The following PRELID2 variants were observed in gnomAD, a reference collection of about 807,000 sequenced individuals.
PRELID2 encodes the protein PRELI domain containing 2, also known as PRELI domain-containing protein 2.
A neutral mutation model predicts 28.4 loss-of-function variants in PRELID2; 25 were observed. That is an observed-to-expected ratio of 0.88 (90% confidence interval 0.64 to 1.23). The LOEUF (loss-of-function observed/expected upper bound fraction) is 1.23. Among genes scored for constraint, PRELID2 ranks in the 50% most tolerant of loss-of-function variants. The pLI, the probability that PRELID2 is intolerant of heterozygous loss-of-function variation, is 0.00. For synonymous variants in PRELID2, 76 were observed against 71.6 expected, an observed-to-expected ratio of 1.06 and a Z score of -0.31; for missense variants, 201 against 214.4, an observed-to-expected ratio of 0.94 and a Z score of 0.39.
At chr5:145,536,141 C>T (rs1053929096) in intron 1 of PRELID2, among the ~76,000 whole-genome samples, 2 of 151,942 alleles carry the variant, frequency 1.3e-5, no homozygotes, top group East Asian at 3.9e-4. Context: ...CTGTGGTTCT[C>T]TCCATTACTC....
chr5:145,396,056 C>T, the PRELID2 span, among the ~76,000 whole-genome samples: 1 of 152,106 alleles, frequency 6.6e-6, no homozygotes, highest in Non-Finnish European at 1.5e-5. Flanking sequence ...TTCTGGAAAA[C>T]AGAAACTTGG....
At chr5:145,814,654 C>T (rs929930147) in intron 4 of PRELID2, among the ~76,000 whole-genome samples, 1 of 152,074 alleles carries the variant, frequency 6.6e-6, no homozygotes, top group African/African-American at 2.4e-5. Context: ...GAGGGCTTTA[C>T]TATTTCCATA....
At chr5:145,741,910 ATATAAATAAACAAATAAATTTAT>A (rs2149740849) in intron 1 of PRELID2, among the ~76,000 whole-genome samples, 1 of 121,164 alleles carries the variant, frequency 8.3e-6, no homozygotes, top group African/African-American at 3.3e-5. Context: ...TTAAATTTAT[ATATAAATAAACAAATAAATTTAT>A]TATAAATAAA....
chr5:145,640,332 C>T (rs1754079493), intron 1 of PRELID2, among the ~76,000 whole-genome samples: 1 of 151,996 alleles, frequency 6.6e-6, no homozygotes, highest in Non-Finnish European at 1.5e-5. Flanking sequence ...AAAAATTAGC[C>T]GGGCGTGGTG....
chr5:145,604,738 G>GT (rs376826516), intron 1 of PRELID2, among the ~76,000 whole-genome samples: 4,522 of 111,638 alleles, frequency 0.041, 237 homozygotes, highest in African/African-American at 0.13. Flanking sequence ...ACCAGCATCT[G>GT]TTTTTTTTGG....
chr5:145,325,946 A>G, the PRELID2 span, among the ~76,000 whole-genome samples: 1 of 152,210 alleles, frequency 6.6e-6, no homozygotes, highest in Non-Finnish European at 1.5e-5. Context: ...CTGACACCAC[A>G]TGAACGCTCC....
intron 5 of PRELID2, among the ~76,000 whole-genome samples, chr5:145,781,834 G>A (rs754979448): frequency 1.3e-4 from 19 of 149,960 alleles, no homozygotes; most frequent in Non-Finnish European, 2.7e-4. Context: ...TTTCAATGCA[G>A]CCTGGCCAGA....
At chr5:145,742,751 A>G (rs1219392957) in intron 1 of PRELID2, among the ~76,000 whole-genome samples, 1 of 151,320 alleles carries the variant, frequency 6.6e-6, no homozygotes, top group African/African-American at 2.4e-5. Context: ...TAAAGATAAG[A>G]GCAGAAATCA....
chr5:145,831,668 T>C lies in PRELID2; in HGVS notation c.75+3509A>G, dbSNP rs192998030. The stretch of plus-strand genomic sequence containing the variant: ...ATGAATAGAAAGAAAGGAAGTACAG[T>C]GACATGCATGATGTTAACACTGTCC... On this transcript the variant is annotated intron_variant, in intron 1 of 6. Transcript: ENST00000683046. 3.9e-4 allele frequency among the ~76,000 whole-genome samples: 59 copies of C among 152,348 alleles called. 1 individual carries two copies. The highest frequency in any genetic ancestry group is 2.0e-3 in the Admixed American group (30 of 15,304).
chr5:145,393,972 C>T, the PRELID2 span, among the ~76,000 whole-genome samples: 1 of 152,134 alleles, frequency 6.6e-6, no homozygotes, highest in Admixed American at 6.5e-5. Flanking sequence ...GACACTTTTA[C>T]ACTGTTGGTG....
intron 1 of PRELID2, among the ~76,000 whole-genome samples, chr5:145,630,619 G>A (rs1477226074): frequency 6.6e-6 from 1 of 152,146 alleles, no homozygotes; most frequent in African/African-American, 2.4e-5. Flanking sequence ...AAAAGCCAGA[G>A]TCCAAATAAC....
the PRELID2 span, among the ~76,000 whole-genome samples, chr5:145,326,624 A>G: frequency 6.6e-6 from 1 of 152,206 alleles, no homozygotes; most frequent in African/African-American, 2.4e-5. Context: ...GAAGGCCTAC[A>G]TATATAAAGT....
At chr5:145,305,918 A>G in the PRELID2 span, among the ~76,000 whole-genome samples, 2 of 152,172 alleles carry the variant, frequency 1.3e-5, no homozygotes, top group African/African-American at 4.8e-5. Flanking sequence ...TGCTAATGCA[A>G]AGATGAATAT....
chr5:145,697,943 T>C (rs986880271), intron 1 of PRELID2, among the ~76,000 whole-genome samples: 10 of 152,032 alleles, frequency 6.6e-5, no homozygotes, highest in African/African-American at 2.4e-4. Flanking sequence ...GCCTACTTAC[T>C]TCAAAGCTTA....
At chr5:145,600,434 A>AATATATATAT (rs1299956414) in intron 1 of PRELID2, among the ~76,000 whole-genome samples, 24 of 120,090 alleles carry the variant, frequency 2.0e-4, no homozygotes, top group African/African-American at 9.4e-4. Context: ...AAAAAAAAAA[A>AATATATATAT]ATATATATAT....
At chr5:145,642,187 A>AT (rs1012922245) in intron 1 of PRELID2, among the ~76,000 whole-genome samples, 12 of 151,970 alleles carry the variant, frequency 7.9e-5, no homozygotes, top group African/African-American at 2.9e-4. Context: ...TTGTTTCCTG[A>AT]TTTTTTAATG....
the PRELID2 span, among the ~76,000 whole-genome samples, chr5:145,256,090 G>T: frequency 2.0e-5 from 3 of 151,670 alleles, no homozygotes; most frequent in Non-Finnish European, 4.4e-5. Context: ...GGTCTCACTG[G>T]GCTAAAATCA....
chr5:145,402,985 T>C, the PRELID2 span, among the ~76,000 whole-genome samples: 9 of 152,178 alleles, frequency 5.9e-5, no homozygotes, highest in Non-Finnish European at 1.0e-4. Context: ...TCCTCAGTGC[T>C]TGCCTTGGGA....
rs557605029 is a variant in PRELID2, at chr5:145,708,757, T to C, written n.70+56174A>G. Among the ~76,000 whole-genome samples the C allele has an allele frequency of 2.6e-5, 4 of 152,324 alleles. No individual in the cohort carries two copies. In the East Asian group the frequency reaches 7.7e-4, roughly 29 times the overall value. On this transcript the variant is annotated intron_variant and non_coding_transcript_variant, in intron 1 of 2. Transcript: ENST00000510259. ...AGTAATGCTTAATCTGTTCTATTTC[T>C]GAAGCACAAAATAAAACCAAACAAA...
Sources: gnomAD v4.1 joint callset for allele counts (sites outside exome capture counted in the v4.1 genomes callset) on GRCh38, gnomAD v4.1.1 for gene constraint, MANE v1.5 for transcripts, NCBI Gene and HGNC (gene_info 2026-07-23, HGNC 2026-07-21) for gene names.